Variants in SDR42E1 observed in about 807,000 individuals in gnomAD.
SDR42E1 encodes short chain dehydrogenase/reductase family 42E, member 1, also known as short-chain dehydrogenase/reductase family 42E member 1.
A neutral mutation model predicts 2.6 loss-of-function variants in SDR42E1; 5 were observed. That is an observed-to-expected ratio of 1.94 (90% CI 1.01 to 4.08). The LOEUF (loss-of-function observed/expected upper bound fraction) is 4.08. Ranked by LOEUF, SDR42E1 falls within the 30% of genes most tolerant of loss-of-function variation. SDR42E1 has a pLI of 0.00. For synonymous variants in SDR42E1, 231 were observed against 188.3 expected, an observed-to-expected ratio of 1.23 and a Z score of -1.86; for missense variants, 596 against 478.6, an observed-to-expected ratio of 1.25 and a Z score of -2.29.
intron 1 of SDR42E1, among the ~76,000 whole-genome samples, chr16:82,004,548 T>C (rs975693599): frequency 2.0e-5 from 3 of 152,212 alleles, no homozygotes; most frequent in Admixed American, 2.0e-4. Flanking sequence ...TTGCCCAGGC[T>C]ATAGTGCAGA....
intron 1 of SDR42E1, among the ~76,000 whole-genome samples, chr16:82,004,173 A>AT (rs762353880): frequency 6.6e-6 from 1 of 152,230 alleles, no homozygotes; most frequent in Non-Finnish European, 1.5e-5. Context: ...TAATGTTGGT[A>AT]TAAACAAAGT....
intron 1 of SDR42E1, among the ~76,000 whole-genome samples, chr16:82,008,632 G>C (rs1913026655): frequency 6.6e-6 from 1 of 152,170 alleles, no homozygotes. Flanking sequence ...ATGATTTAGG[G>C]TATCTGGGGT....
intron 1 of SDR42E1, among the ~76,000 whole-genome samples, chr16:82,010,323 G>T (rs925676032): frequency 6.6e-6 from 1 of 152,152 alleles, no homozygotes; most frequent in Non-Finnish European, 1.5e-5. Context: ...AGGTCATAAG[G>T]GGTTGGGCAG....
chr16:82,005,273 T>C (rs2143860554), intron 1 of SDR42E1, among the ~76,000 whole-genome samples: 1 of 152,300 alleles, frequency 6.6e-6, no homozygotes, highest in South Asian at 2.1e-4. Flanking sequence ...GCTACTCCAT[T>C]ACCTTCCAAC....
In SDR42E1 at chr16:81,994,508, C is replaced by T. The variant is rs550206111; in HGVS notation, c.*4603G>A. Reference sequence around the variant, plus strand: ...GGCCTGCATGTGGAGGTCAGCCCCACGAAAGGGCTGGGAGGGACTTTTTGT... The same window carrying T: ...GGCCTGCATGTGGAGGTCAGCCCCATGAAAGGGCTGGGAGGGACTTTTTGT... On this transcript the variant is annotated 3_prime_UTR_variant, in exon 3 of 3. Transcript: ENST00000328945. The T allele has an allele frequency of 6.6e-6, 1 of 152,186 alleles. No individual in the cohort carries two copies. The highest frequency in any genetic ancestry group is 6.5e-5 in the Admixed American group (1 of 15,276). 9.4% of individuals were successfully genotyped at this position (152,186 alleles called of 1,614,324 possible). A position where few individuals can be genotyped will look rare whatever the true frequency, so the allele number is the denominator to read the frequency against.
Position 81,994,182 on chromosome 16 carries a change from C to T in SDR42E1, c.*4929G>A, listed in dbSNP as rs544036554. On this transcript the variant is annotated 3_prime_UTR_variant, in exon 3 of 3. Coordinates refer to ENST00000328945, the MANE Select transcript of SDR42E1 (RefSeq NM_145168.3). ...GGACGATCTGGAATGATGAGCGTCC[C>T]GCAGGCAGCGTTACGGAACCCCAGT... 3.9e-5 allele frequency: 6 copies of T among 152,278 alleles called. 1 individual carries two copies. The South Asian group carries it at 8.3e-4, about 21-fold the overall frequency. The allele number at this position is 152,278 out of a possible 1,614,324, so 9.4% of individuals were successfully genotyped here. A position where few individuals can be genotyped will look rare whatever the true frequency, so the allele number is the denominator to read the frequency against.
At chr16:82,000,535 G>A (rs79047730) in intron 2 of SDR42E1, 6 of 584,912 alleles carry the variant, frequency 1.0e-5, no homozygotes. Flanking sequence ...AACTGTGAAA[G>A]AACAGCTATG....
In SDR42E1 at chr16:82,003,585, T is replaced by A. The variant is rs192927258; in HGVS notation, c.-26-2701A>T. On this transcript the variant is annotated intron_variant, in intron 1 of 2. Transcript: ENST00000328945. ...AGTGCCTCCTGTTCTCACTTCAGTG[T>A]GACACATCGTATACTAGGTCCTTTT... Among the ~76,000 whole-genome samples the A allele has an allele frequency of 7.9e-5, 12 of 152,332 alleles. No homozygotes were observed. The East Asian group carries it at 2.1e-3, about 27-fold the overall frequency.
At position 81,993,938 on chromosome 16, in the gene SDR42E1, T is replaced by C. The variant is rs1227033737; in HGVS notation, c.*5173A>G. The C allele has an allele frequency of 2.0e-5, 3 of 151,924 alleles. No homozygotes were observed. The highest frequency in any genetic ancestry group is 4.4e-5 in the Non-Finnish European group (3 of 67,978). The allele number at this position is 151,924 out of a possible 1,614,324, so 9.4% of individuals were successfully genotyped here. On this transcript the variant is annotated 3_prime_UTR_variant, in exon 3 of 3. Transcript: ENST00000328945. ...ATTTTTTAAGAAAAACTCCAGCAAA[T>C]GTTAAATTACCCAGGGACCAAAAGA... is the stretch of plus-strand genomic sequence containing the variant.
rs919169416 is a variant in SDR42E1, at chr16:81,999,741, C to A, written c.552G>T (p.Arg184Ser). Residue 184 changes from arginine (R) to serine (S), a missense_variant, in exon 3 of 3, where the codon AGG becomes AGT. Coordinates refer to ENST00000328945, the MANE Select transcript of SDR42E1 (RefSeq NM_145168.3). The stretch of plus-strand genomic sequence containing the variant: ...CTCCAGGCCCATAGATGCCAGCTGG[C>A]CTCAGAGCGCAGGTTCTTAAGACAC... The part of the protein sequence containing the change: ...GDGVLRTCAL[R>S]PAGIYGPGEQ... The A allele has an allele frequency of 6.2e-7, 1 of 1,614,200 alleles. No homozygotes were observed. The highest frequency in any genetic ancestry group is 2.2e-5 in the East Asian group (1 of 44,884).
chr16:81,999,580 G>T lies in SDR42E1; in HGVS notation c.713C>A (p.Ala238Asp), dbSNP rs773547300. The part of the protein sequence containing the change: ...LVQAHILASE[A>D]LRADKGHIAS... ...AATATGGCCCTTGTCAGCTCTCAGG[G>T]CTTCTGAGGCCAGAATGTGAGCCTG... The change falls in exon 3 of 3, where the codon GCC (alanine) becomes GAC (aspartate). Residue 238 changes from alanine (A) to aspartate (D), a missense_variant. Ala to Asp is a moderately radical substitution (Grantham distance 126). Transcript: ENST00000328945. The T allele has an allele frequency of 1.9e-6, 3 of 1,614,128 alleles. No homozygotes were observed. The highest frequency in any genetic ancestry group is 2.5e-6 in the Non-Finnish European group (3 of 1,180,032).
chr16:82,010,881 C>G (rs898992456), intron 1 of SDR42E1, among the ~76,000 whole-genome samples: 4 of 152,204 alleles, frequency 2.6e-5, no homozygotes, highest in African/African-American at 7.2e-5. Flanking sequence ...AGGGCTCACT[C>G]CACCTCCACA....
In SDR42E1 at chr16:81,996,411, G is replaced by A. The variant is rs1311135288; in HGVS notation, c.*2700C>T. 1.3e-5 allele frequency: 2 copies of A among 152,186 alleles called. No homozygotes were observed. The highest frequency in any genetic ancestry group is 2.9e-5 in the Non-Finnish European group (2 of 68,052). 9.4% of individuals were successfully genotyped at this position (152,186 alleles called of 1,614,324 possible). A position where few individuals can be genotyped will look rare whatever the true frequency, so the allele number is the denominator to read the frequency against. On this transcript the variant is annotated 3_prime_UTR_variant, in exon 3 of 3. Coordinates refer to ENST00000328945, the MANE Select transcript of SDR42E1 (RefSeq NM_145168.3). ...AGTCTGGGAGAGGGCAGGGGTCAGG[G>A]ATTATCCCAGATCTCTGGGATGGGA...
chr16:82,000,029 C>T lies in SDR42E1; in HGVS notation c.264G>A (p.Glu88=). Residue 88 remains glutamate, a synonymous_variant, in exon 3 of 3, where the codon GAG becomes GAA. Transcript: ENST00000328945. ...CTTTGATCAGGTTTCGATTGAGTTG[C>T]TCCCGCCCTGACATACCATAAGAGG... is the stretch of plus-strand genomic sequence containing the variant. ...HIASYGMSGR[E]QLNRNLIKEV... 4 of 1,614,190 alleles carry T rather than the reference C, an allele frequency of 2.5e-6. No homozygotes were observed. Among genetic ancestry groups the T allele is most frequent in the Non-Finnish European group, 3.4e-6 (4 of 1,180,036 alleles).
chr16:82,005,122 A>G (rs1912892791), intron 1 of SDR42E1, among the ~76,000 whole-genome samples: 2 of 152,212 alleles, frequency 1.3e-5, no homozygotes, highest in Admixed American at 1.3e-4. Flanking sequence ...CCTATCTTTA[A>G]TTAGTCTTTG....
intron 1 of SDR42E1, among the ~76,000 whole-genome samples, chr16:82,008,996 T>C (rs1913039192): frequency 6.6e-6 from 1 of 152,180 alleles, no homozygotes; most frequent in Non-Finnish European, 1.5e-5. Context: ...CGGGCCAAGG[T>C]ACAGCTCAAA....
rs770216301 is a variant in SDR42E1 at position 81,999,435 on chromosome 16, C to A, written c.858G>T (p.Leu286Phe). Residue 286 changes from leucine (L) to phenylalanine (F), a missense_variant, in exon 3 of 3, where the codon TTG (leucine) becomes TTT (phenylalanine). Leu to Phe is a conservative substitution (Grantham distance 22). Transcript: ENST00000328945. ...TFPSTRLPLT[L>F]VYCFAFLTEM... is the part of the protein sequence containing the mutation. ...CTGTTAGAAAAGCAAAGCAGTAGACCAAGGTCAATGGCAGGCGGGTAGACG... is the reference window on the plus strand; with the variant it reads ...CTGTTAGAAAAGCAAAGCAGTAGACAAAGGTCAATGGCAGGCGGGTAGACG... 6.2e-7 allele frequency: 1 copy of A among 1,614,136 alleles called. No individual in the cohort carries two copies. Among genetic ancestry groups the A allele is most frequent in the Non-Finnish European group, 8.5e-7 (1 of 1,180,030 alleles).
chr16:82,009,713 T>C (rs1913063780), intron 1 of SDR42E1, among the ~76,000 whole-genome samples: 2 of 152,200 alleles, frequency 1.3e-5, no homozygotes, highest in Non-Finnish European at 2.9e-5. Flanking sequence ...GTGTGGACTT[T>C]TGAGTTAATG....
chr16:81,999,955 C>T lies in SDR42E1; in HGVS notation c.338G>A (p.Arg113Lys), dbSNP rs746979729. 4 of 1,614,232 alleles carry T rather than the reference C, an allele frequency of 2.5e-6. No homozygotes were observed. In the East Asian group the frequency reaches 8.9e-5, roughly 36 times the overall value. The part of the protein sequence containing the change: ...TDNILQVCQR[R>K]RVPRLVYTST... ...GGTGTAAACTAACCTGGGCACCCTT[C>T]TCCTTTGGCAAACCTGGAGGATGTT... Residue 113 changes from arginine (R) to lysine (K), a missense_variant, in exon 3 of 3, where the codon AGA (arginine) becomes AAA (lysine). Coordinates refer to ENST00000328945, the MANE Select transcript of SDR42E1 (RefSeq NM_145168.3).
Sources: allele counts gnomAD v4.1 joint callset (sites outside exome capture counted in the v4.1 genomes callset), GRCh38; gene constraint gnomAD v4.1.1; transcripts MANE v1.5; gene names NCBI Gene and HGNC (gene_info 2026-07-23, HGNC 2026-07-21).